The following KHDRBS2 variants were observed in gnomAD, a reference collection of about 807,000 sequenced individuals.
The protein encoded by KHDRBS2 is KH RNA binding domain containing, signal transduction associated 2, also known as KH domain-containing, RNA-binding, signal transduction-associated protein 2.
In KHDRBS2, 26 loss-of-function variants were observed where a neutral mutation model predicts 44.3. The observed-to-expected ratio is 0.59, with a 90% confidence interval of 0.43 to 0.81. The LOEUF (loss-of-function observed/expected upper bound fraction) is 0.81, where lower values mean the gene tolerates loss of function less well. Among genes scored for constraint, KHDRBS2 ranks in the 40% least tolerant of loss-of-function variants. The probability of loss-of-function intolerance (pLI) is 0.00; values close to 1 mark genes in which losing one functional copy is unlikely to be tolerated. For missense variants in KHDRBS2, 476 were observed against 433.1 expected, an observed-to-expected ratio of 1.10 and a Z score of -0.88; for synonymous variants, 194 against 151.1, an observed-to-expected ratio of 1.28 and a Z score of -2.08.
chr6:62,160,803 A>T (rs1281798584), intron 2 of KHDRBS2, among the ~76,000 whole-genome samples: 1 of 152,070 alleles, frequency 6.6e-6, no homozygotes, highest in Non-Finnish European at 1.5e-5. Flanking sequence ...TCCAATTTTT[A>T]AAAAATTTTG....
At chr6:61,855,373 T>C (rs1795998271) in intron 6 of KHDRBS2, among the ~76,000 whole-genome samples, 1 of 152,068 alleles carries the variant, frequency 6.6e-6, no homozygotes, top group African/African-American at 2.4e-5. Context: ...CTAGTTGTTT[T>C]ACTTCTGGTA....
chr6:62,224,279 T>C (rs1831388140), intron 1 of KHDRBS2, among the ~76,000 whole-genome samples: 1 of 152,132 alleles, frequency 6.6e-6, no homozygotes, highest in Non-Finnish European at 1.5e-5. Context: ...ACGTATTCAC[T>C]ACTACAAGAA....
intron 6 of KHDRBS2, among the ~76,000 whole-genome samples, chr6:61,759,531 T>C (rs1778970776): frequency 6.6e-6 from 1 of 152,194 alleles, no homozygotes; most frequent in Non-Finnish European, 1.5e-5. Context: ...AGGGTTTTTT[T>C]TTTAGATATA....
chr6:62,144,089 C>A (rs572462697), intron 2 of KHDRBS2, among the ~76,000 whole-genome samples: 1 of 151,990 alleles, frequency 6.6e-6, no homozygotes, highest in East Asian at 1.9e-4. Context: ...ATCAAGCACA[C>A]TATTTCAACC....
At chr6:61,599,185 CGGCCTCCCAAAGTGCTG>C in the KHDRBS2 span, among the ~76,000 whole-genome samples, 2 of 152,148 alleles carry the variant, frequency 1.3e-5, no homozygotes, top group East Asian at 3.9e-4. Flanking sequence ...TCACCTGCCT[CGGCCTCCCAAAGTGCTG>C]GGATAAACTT....
chr6:61,718,704 C>A (rs1771846249), intron 7 of KHDRBS2, among the ~76,000 whole-genome samples: 1 of 152,050 alleles, frequency 6.6e-6, no homozygotes, highest in African/African-American at 2.4e-5. Flanking sequence ...AAGTAGAGGT[C>A]TCAGTTCCTG....
In KHDRBS2 at chr6:62,177,272, G is replaced by A. The variant is rs563688261; in HGVS notation, c.132C>T (p.Asp44=). Residue 44 remains aspartate, a synonymous_variant, in exon 2 of 9, where the codon GAC becomes GAT. Coordinates refer to ENST00000281156, the MANE Select transcript of KHDRBS2 (RefSeq NM_152688.4). The stretch of plus-strand genomic sequence containing the variant: ...TGACATCAAGATACTTCTTTTCTTC[G>A]TCTTCCTTTTTTCCATCAGAACCTT... ...KFQGSDGKKE[D]EEKKYLDVIS... is the part of the protein sequence containing the mutation. 11 of 1,599,588 alleles carry A rather than the reference G, an allele frequency of 6.9e-6. No homozygotes were observed. Among genetic ancestry groups the A allele is most frequent in the East Asian group, 4.5e-5 (2 of 44,480 alleles).
At chr6:62,121,602 C>T (rs920128892) in intron 2 of KHDRBS2, among the ~76,000 whole-genome samples, 1 of 152,222 alleles carries the variant, frequency 6.6e-6, no homozygotes, top group Non-Finnish European at 1.5e-5. Context: ...AGTAATCTGC[C>T]TTCAGCTGGC....
chr6:62,286,132 C>T lies in KHDRBS2; in HGVS notation c.-184G>A, dbSNP rs1415877251. 9 of 575,026 alleles carry T rather than the reference C, an allele frequency of 1.6e-5. No individual in the cohort carries two copies. Among genetic ancestry groups the T allele is most frequent in the Non-Finnish European group, 2.1e-5 (7 of 328,996 alleles). 35.6% of individuals were successfully genotyped at this position (575,026 alleles called of 1,614,324 possible). ...CTCCCGCCGTCGGGCTGCGTGGCCCCGCGCCCACACCTGCCCGTCCCTTCC... is the reference window on the plus strand; with the variant it reads ...CTCCCGCCGTCGGGCTGCGTGGCCCTGCGCCCACACCTGCCCGTCCCTTCC... On this transcript the variant is annotated 5_prime_UTR_variant, in exon 1 of 9. Coordinates refer to ENST00000281156, the MANE Select transcript of KHDRBS2 (RefSeq NM_152688.4).
intron 2 of KHDRBS2, among the ~76,000 whole-genome samples, chr6:62,139,192 G>C (rs1271192130): frequency 2.6e-5 from 4 of 151,954 alleles, no homozygotes; most frequent in Non-Finnish European, 5.9e-5. Flanking sequence ...CCAATGGAAA[G>C]ACAAGAGAAT....
At chr6:62,235,000 A>C (rs539044689) in intron 1 of KHDRBS2, among the ~76,000 whole-genome samples, 7 of 151,996 alleles carry the variant, frequency 4.6e-5, no homozygotes, top group African/African-American at 1.7e-4. Flanking sequence ...AAATGAATAA[A>C]AATTCCCAAA....
At chr6:62,174,646 T>G (rs1041938856) in intron 2 of KHDRBS2, among the ~76,000 whole-genome samples, 2 of 151,788 alleles carry the variant, frequency 1.3e-5, no homozygotes, top group African/African-American at 4.8e-5. Flanking sequence ...TAGTAAAGTC[T>G]TGAGAGGGCC....
chr6:62,211,287 A>G (rs1283658802), intron 1 of KHDRBS2, among the ~76,000 whole-genome samples: 1 of 147,202 alleles, frequency 6.8e-6, no homozygotes, highest in Non-Finnish European at 1.5e-5. Context: ...TTTAGTTTCC[A>G]GAGTTATGCA....
chr6:61,982,810 G>C (rs1774137982), intron 3 of KHDRBS2, among the ~76,000 whole-genome samples: 1 of 152,068 alleles, frequency 6.6e-6, no homozygotes, highest in Non-Finnish European at 1.5e-5. Flanking sequence ...AGTAGACTAA[G>C]AAAGGGTGAT....
chr6:61,733,964 A>G (rs1351372132), intron 6 of KHDRBS2, among the ~76,000 whole-genome samples: 1 of 152,270 alleles, frequency 6.6e-6, no homozygotes, highest in East Asian at 1.9e-4. Flanking sequence ...CTGGAGGCTT[A>G]CAAATCTCTC....
intron 3 of KHDRBS2, among the ~76,000 whole-genome samples, chr6:62,011,511 G>A (rs1189189257): frequency 6.6e-6 from 1 of 151,926 alleles, no homozygotes; most frequent in Non-Finnish European, 1.5e-5. Flanking sequence ...AATAGTACTA[G>A]GACAATATTT....
chr6:61,974,762 C>T (rs1340112572), intron 4 of KHDRBS2, among the ~76,000 whole-genome samples: 4 of 151,640 alleles, frequency 2.6e-5, no homozygotes, highest in Non-Finnish European at 4.4e-5. Context: ...GAAACCTCAT[C>T]TCTACTAAAA....
intron 4 of KHDRBS2, among the ~76,000 whole-genome samples, chr6:61,923,717 T>C (rs1363102393): frequency 2.6e-5 from 4 of 152,218 alleles, no homozygotes; most frequent in East Asian, 3.9e-4. Context: ...ACAAATATCA[T>C]AGCAGTGTGA....
intron 1 of KHDRBS2, among the ~76,000 whole-genome samples, chr6:62,242,909 T>C (rs1430838365): frequency 6.6e-6 from 1 of 152,150 alleles, no homozygotes; most frequent in African/African-American, 2.4e-5. Flanking sequence ...ATATACTTTG[T>C]CAGGTGCCAC....
Sources: allele counts gnomAD v4.1 joint callset (sites outside exome capture counted in the v4.1 genomes callset), GRCh38; gene constraint gnomAD v4.1.1; transcripts MANE v1.5; gene names NCBI Gene and HGNC (gene_info 2026-07-23, HGNC 2026-07-21).